CHD5: variants seen among roughly 807,000 people sequenced by gnomAD.
CHD5 encodes the protein chromodomain helicase DNA binding protein 5.
Under a neutral mutation model 230.3 loss-of-function variants are expected in CHD5, and 69 were observed. The ratio of observed to expected loss-of-function variants is 0.30; its 90% confidence interval spans 0.25 to 0.37. The LOEUF is 0.37. CHD5 is among the 10% of genes least tolerant of loss of function. The probability of loss-of-function intolerance (pLI) is 1.00; values close to 1 mark genes in which losing one functional copy is unlikely to be tolerated. For missense variants in CHD5, 1,827 were observed against 2,622.8 expected (o/e 0.70, Z 6.63); for synonymous variants, 1,064 against 1,065.9 (o/e 1.00, Z 0.03).
At chr1:6,124,249 C>G (rs574518351) in intron 30 of CHD5, 142 bp from the exon 31 acceptor site, 1 of 832,998 alleles carries the variant, frequency 1.2e-6, no homozygotes, top group South Asian at 1.8e-5. Flanking sequence ...GCTGGCCAAG[C>G]CAGGCCCCTC....
chr1:6,144,049 G>C lies in CHD5; in HGVS notation c.1909C>G (p.Leu637Val), dbSNP rs748353998. The C allele has an allele frequency of 6.2e-7, 1 of 1,614,194 alleles. No homozygotes were observed. The highest frequency in any genetic ancestry group is 8.5e-7 in the Non-Finnish European group (1 of 1,180,052). ...CTGTGGCCCCAGTAGGCCTGCTTGA[G>C]GTTGTCGTAGTAGGGGATGTCGATG... ...DDIDIPYYDN[L>V]KQAYWGHREL... is the part of the protein sequence containing the mutation. Residue 637 changes from leucine to valine, a missense_variant, in exon 12 of 42, where the codon CTC (leucine) becomes GTC (valine). By Grantham distance (32) the Leu-to-Val change is conservative. Coordinates refer to ENST00000262450, the MANE Select transcript of CHD5 (RefSeq NM_015557.3).
At chr1:6,117,189 A>G (rs1666391184) in intron 33 of CHD5, among the ~76,000 whole-genome samples, 2 of 152,204 alleles carry the variant, frequency 1.3e-5, no homozygotes, top group South Asian at 4.1e-4. Context: ...ATAAAGTACA[A>G]AATAAGATAA....
chr1:6,173,404 G>A (rs574612699), intron 1 of CHD5, among the ~76,000 whole-genome samples: 62 of 151,952 alleles, frequency 4.1e-4, no homozygotes, highest in Non-Finnish European at 6.8e-4. Flanking sequence ...GCGCCCGGCC[G>A]AGAGGGGCTA....
intron 36 of CHD5, among the ~76,000 whole-genome samples, 160 bp downstream of exon 36, chr1:6,111,615 G>A (rs1183454246): frequency 1.3e-5 from 2 of 152,028 alleles, no homozygotes; most frequent in African/African-American, 2.4e-5. Flanking sequence ...GCGGCGGGGA[G>A]CGGGCGACAC....
Position 6,134,113 on chromosome 1 carries a change from G to GGGCC in CHD5, c.3144+14_3144+15insGGCC. On this transcript the variant is annotated intron_variant, in intron 20 of 41. Transcript: ENST00000262450. The surrounding 1 kb of genome is among the most constrained non-coding windows in gnomAD (Gnocchi z 6.3). ...GGGTGTGGAGCCGGGGCGGGGGTGG[G>GGGCC]CAGGGGCAGCGCACCTGGGAGAAGA... 1 of 1,304,298 alleles carries GGGCC rather than the reference G, an allele frequency of 7.7e-7. No homozygotes were observed. The highest frequency in any genetic ancestry group is 1.1e-6 in the Non-Finnish European group (1 of 919,148). The allele number at this position is 1,304,298 out of a possible 1,614,324, so 80.8% of individuals were successfully genotyped here. A position where few individuals can be genotyped will look rare whatever the true frequency, so the allele number is the denominator to read the frequency against.
At position 6,142,336 on chromosome 1, in the gene CHD5, G is replaced by C; in HGVS notation, c.2236-8C>G. 6.2e-7 allele frequency: 1 copy of C among 1,600,504 alleles called. No individual in the cohort carries two copies. Among genetic ancestry groups the C allele is most frequent in the Non-Finnish European group, 8.6e-7 (1 of 1,169,140 alleles). The stretch of plus-strand genomic sequence containing the variant: ...GGGCCCTTTGGAGTGGCCCTGGAGA[G>C]AGAGGCCGATGCCGTGAGACCACCT... On this transcript the variant is annotated splice_polypyrimidine_tract_variant and splice_region_variant and intron_variant, in intron 14 of 41. Transcript: ENST00000262450. The surrounding 1 kb of genome is among the most constrained non-coding windows in gnomAD (Gnocchi z 5.2).
chr1:6,171,147 G>A (rs764688026), intron 1 of CHD5, among the ~76,000 whole-genome samples: 34 of 152,232 alleles, frequency 2.2e-4, no homozygotes, highest in Non-Finnish European at 3.7e-4. Context: ...CCAACAGAAC[G>A]GATGAGGGTA....
intron 3 of CHD5, among the ~76,000 whole-genome samples, chr1:6,156,801 C>T (rs1257378956): frequency 2.0e-5 from 3 of 152,010 alleles, no homozygotes; most frequent in African/African-American, 7.2e-5. Flanking sequence ...GGGGACATCC[C>T]AGGGGCACAG....
At chr1:6,120,248 C>T (rs759394425) in intron 33 of CHD5, among the ~76,000 whole-genome samples, 6 of 152,168 alleles carry the variant, frequency 3.9e-5, no homozygotes, top group South Asian at 2.1e-4. Context: ...AAAATCTGAC[C>T]GTATCAGGCC....
intron 6 of CHD5, among the ~76,000 whole-genome samples, chr1:6,152,087 T>A (rs1435686351): frequency 1.3e-5 from 2 of 151,372 alleles, no homozygotes; most frequent in Non-Finnish European, 2.9e-5. Flanking sequence ...TCCCTCCACC[T>A]CCTGCCCAAA....
intron 2 of CHD5, among the ~76,000 whole-genome samples, chr1:6,162,522 G>A (rs1210420831): frequency 1.3e-5 from 2 of 152,168 alleles, no homozygotes; most frequent in East Asian, 3.9e-4. Context: ...AGGTCTCCAG[G>A]GCTGGGCCGC....
intron 33 of CHD5, among the ~76,000 whole-genome samples, chr1:6,116,966 G>A (rs781550470): frequency 6.6e-5 from 10 of 152,216 alleles, no homozygotes; most frequent in Admixed American, 1.3e-4. Context: ...ACAGCATCGT[G>A]GCAGATGAAA....
At position 6,149,483 on chromosome 1, in the gene CHD5, C is replaced by T. The variant is rs886369595; in HGVS notation, c.995-71G>A. On this transcript the variant is annotated intron_variant, in intron 7 of 41. Transcript: ENST00000262450. Reference sequence around the variant, plus strand: ...CAGCACACAACCAACTGCATCGCCCCAGGCCAGACAGGCACAGAGTAGATG... The same window carrying T: ...CAGCACACAACCAACTGCATCGCCCTAGGCCAGACAGGCACAGAGTAGATG... The T allele has an allele frequency of 1.8e-5, 26 of 1,468,500 alleles. No individual in the cohort carries two copies. The African/African-American group carries it at 2.9e-4, about 17-fold the overall frequency. 91.0% of individuals were successfully genotyped at this position (1,468,500 alleles called of 1,614,324 possible).
chr1:6,158,710 G>A (rs921930016), intron 3 of CHD5, among the ~76,000 whole-genome samples: 8 of 152,264 alleles, frequency 5.3e-5, no homozygotes, highest in African/African-American at 7.2e-5. Context: ...GGCAGATCGC[G>A]AGGTCAAGAG....
rs75372038 is a variant in CHD5, at chr1:6,165,519, C to T, written c.207+2631G>A. 8.1e-3 allele frequency among the ~76,000 whole-genome samples: 1,231 copies of T among 152,210 alleles called. 16 individuals carry two copies. Among genetic ancestry groups the T allele is most frequent in the African/African-American group, 0.027 (1,125 of 41,516 alleles). On this transcript the variant is annotated intron_variant, in intron 2 of 41. Coordinates refer to ENST00000262450, the MANE Select transcript of CHD5 (RefSeq NM_015557.3). ...AGGTAGGAGTCCCTGCCATGGACCA[C>T]GAGGCCTCGGGGTCCTAAAATCCAC... is the stretch of plus-strand genomic sequence containing the variant.
chr1:6,165,348 C>A (rs779038231), intron 2 of CHD5, among the ~76,000 whole-genome samples: 2 of 152,188 alleles, frequency 1.3e-5, no homozygotes, highest in Non-Finnish European at 2.9e-5. Flanking sequence ...CAGGTCTCTG[C>A]TGCACCCCAC....
intron 1 of CHD5, among the ~76,000 whole-genome samples, chr1:6,169,221 G>T (rs1667299115): frequency 6.6e-6 from 1 of 152,128 alleles, no homozygotes; most frequent in Non-Finnish European, 1.5e-5. Flanking sequence ...GCACACACAG[G>T]CACACAGGTC....
In CHD5 at chr1:6,148,895, G is replaced by C; in HGVS notation, c.1342C>G (p.Pro448Ala). ...YHLHCLNPPL[P>A]EIPNGEWLCP... ...AGCCATTCACCGTTTGGGATCTCGG[G>C]CAGCGGCGGGTTGAGGCAATGCAGG... Residue 448 changes from proline to alanine, a missense_variant, in exon 9 of 42, where the codon CCC becomes GCC. This residue lies in a region of CHD5 where 657 missense variants were observed against 816.4 expected (regional missense o/e 0.80). Transcript: ENST00000262450. The C allele has an allele frequency of 6.3e-7, 1 of 1,586,338 alleles. No homozygotes were observed.
At chr1:6,106,073 G>C (rs1176543575) in intron 41 of CHD5, among the ~76,000 whole-genome samples, 161 bp downstream of exon 41, 1 of 152,104 alleles carries the variant, frequency 6.6e-6, no homozygotes, top group African/African-American at 2.4e-5. Flanking sequence ...GCAAGGTAGA[G>C]GGGCTCCAGG....
Sources: gnomAD v4.1 joint callset for allele counts (sites outside exome capture counted in the v4.1 genomes callset) on GRCh38, gnomAD v4.1.1 for gene constraint, gnomAD v4.1.1 regional missense constraint, Gnocchi (gnomAD v3.1) non-coding constraint, MANE v1.5 for transcripts, NCBI Gene and HGNC (gene_info 2026-07-23, HGNC 2026-07-21) for gene names.